Variants in CADPS2 observed in about 807,000 individuals in gnomAD.
CADPS2 encodes the protein calcium-dependent secretion activator 2.
A neutral mutation model predicts 172.5 loss-of-function variants in CADPS2; 93 were observed. The observed-to-expected ratio is 0.54, with a 90% confidence interval of 0.46 to 0.64. The LOEUF (loss-of-function observed/expected upper bound fraction) is 0.64, where lower values mean the gene tolerates loss of function less well. Ranked by LOEUF, CADPS2 falls within the 30% of genes least tolerant of loss-of-function variation. CADPS2 has a pLI of 0.00. For synonymous variants in CADPS2, 546 were observed against 555.2 expected (o/e 0.98, Z 0.23); for missense variants, 1,420 against 1,565.9 (o/e 0.91, Z 1.57).
At chr7:122,580,541 A>G (rs2068674357) in intron 7 of CADPS2, among the ~76,000 whole-genome samples, 1 of 152,062 alleles carries the variant, frequency 6.6e-6, no homozygotes, top group African/African-American at 2.4e-5. Context: ...TTCATTTATA[A>G]GTCTGAAGAT....
At chr7:122,795,289 C>A (rs192288298) in intron 1 of CADPS2, among the ~76,000 whole-genome samples, 47 of 152,040 alleles carry the variant, frequency 3.1e-4, no homozygotes, top group African/African-American at 1.1e-3. Flanking sequence ...ACCACTGACC[C>A]CATAGAAATA....
rs776325722 is a variant in CADPS2 at position 122,429,978 on chromosome 7, T to A, written c.2476+8363A>T. Among the ~76,000 whole-genome samples the A allele has an allele frequency of 1.8e-4, 28 of 152,198 alleles. 1 individual carries two copies. Among genetic ancestry groups the A allele is most frequent in the Non-Finnish European group, 3.4e-4 (23 of 68,012 alleles). ...ATTGCTATCGTGTACAATGGAGTGT[T>A]AAATTAAAACACCACCCAGATGACA... On this transcript the variant is annotated intron_variant, in intron 17 of 29. Coordinates refer to ENST00000449022, the MANE Select transcript of CADPS2 (RefSeq NM_017954.11).
intron 9 of CADPS2, among the ~76,000 whole-genome samples, chr7:122,506,727 TAAAA>T (rs5887092): frequency 3.5e-5 from 5 of 142,034 alleles, no homozygotes; most frequent in Admixed American, 2.1e-4. Flanking sequence ...TAGAGTTATT[TAAAA>T]AAAAAAAAAA....
At chr7:122,849,738 T>G (rs1177018447) in intron 1 of CADPS2, 1 of 403,474 alleles carries the variant, frequency 2.5e-6, no homozygotes, top group Non-Finnish European at 4.8e-6. Context: ...TATTTCTCAG[T>G]AGAAGCTCCA....
chr7:122,752,976 A>T (rs1228038590), intron 1 of CADPS2, among the ~76,000 whole-genome samples: 1 of 152,212 alleles, frequency 6.6e-6, no homozygotes, highest in Non-Finnish European at 1.5e-5. Flanking sequence ...GGAGTTCTTA[A>T]TAAGATGCTG....
intron 1 of CADPS2, among the ~76,000 whole-genome samples, chr7:122,815,492 A>C (rs987010590): frequency 6.6e-6 from 1 of 152,196 alleles, no homozygotes; most frequent in Non-Finnish European, 1.5e-5. Flanking sequence ...TTTAGAAGTC[A>C]ATGAAAACAA....
intron 2 of CADPS2, among the ~76,000 whole-genome samples, chr7:122,727,361 A>C (rs976921451): frequency 2.0e-5 from 3 of 151,776 alleles, no homozygotes; most frequent in East Asian, 3.9e-4. Flanking sequence ...TCTTTCTGTT[A>C]TTGGCAGCTA....
At chr7:122,500,604 C>CA (rs1294630220) in intron 9 of CADPS2, among the ~76,000 whole-genome samples, 2 of 152,120 alleles carry the variant, frequency 1.3e-5, no homozygotes, top group African/African-American at 4.8e-5. Flanking sequence ...ATGTCAGAGC[C>CA]ATGGAGAAAC....
Position 122,837,285 on chromosome 7 carries a change from A to T in CADPS2, c.339+48714T>A, listed in dbSNP as rs1254550927. Among the ~76,000 whole-genome samples the T allele has an allele frequency of 2.0e-5, 3 of 152,240 alleles. No homozygotes were observed. The East Asian group carries it at 5.8e-4, about 29-fold the overall frequency. ...CTGGGACACATTTAAAGCAGTGGGT[A>T]GAGGGAAATTTATAGCACTAAATGC... On this transcript the variant is annotated intron_variant, in intron 1 of 29. Coordinates refer to ENST00000449022, the MANE Select transcript of CADPS2 (RefSeq NM_017954.11).
At chr7:122,641,207 C>T (rs973527851) in intron 3 of CADPS2, among the ~76,000 whole-genome samples, 1 of 152,124 alleles carries the variant, frequency 6.6e-6, no homozygotes, top group African/African-American at 2.4e-5. Flanking sequence ...GGCCGTTAAT[C>T]CTTGATCATA....
At chr7:122,444,884 T>G (rs2051930380) in intron 15 of CADPS2, among the ~76,000 whole-genome samples, 1 of 152,184 alleles carries the variant, frequency 6.6e-6, no homozygotes, top group Non-Finnish European at 1.5e-5. Flanking sequence ...AAGACACAGA[T>G]TTTTCACCCA....
chr7:122,491,056 C>T (rs760567220), intron 10 of CADPS2, among the ~76,000 whole-genome samples: 5 of 152,098 alleles, frequency 3.3e-5, no homozygotes, highest in Admixed American at 2.6e-4. Flanking sequence ...TAATATCTCA[C>T]CTAATTATTC....
intron 3 of CADPS2, among the ~76,000 whole-genome samples, chr7:122,643,172 CCA>C (rs2077876376): frequency 6.6e-6 from 1 of 152,076 alleles, no homozygotes; most frequent in African/African-American, 2.4e-5. Flanking sequence ...ATCTAGCAGC[CCA>C]GTGTTTCATT....
intron 1 of CADPS2, among the ~76,000 whole-genome samples, chr7:122,789,296 T>C (rs37898): frequency 0.055 from 8,404 of 152,234 alleles, 774 homozygotes; most frequent in African/African-American, 0.19. Flanking sequence ...GGAAGCTTAC[T>C]GCCTTCCTAT....
At chr7:122,533,235 T>G (rs1414395596) in intron 8 of CADPS2, among the ~76,000 whole-genome samples, 1 of 152,118 alleles carries the variant, frequency 6.6e-6, no homozygotes, top group Non-Finnish European at 1.5e-5. Context: ...TTTATTAATA[T>G]GTAGAAATTA....
intron 1 of CADPS2, among the ~76,000 whole-genome samples, chr7:122,826,871 G>A (rs941858200): frequency 1.3e-5 from 2 of 151,838 alleles, no homozygotes; most frequent in African/African-American, 2.4e-5. Context: ...AATCTCTCAC[G>A]TTAAGAACCC....
chr7:122,868,824 C>T (rs1287446346), intron 1 of CADPS2, among the ~76,000 whole-genome samples: 2 of 152,118 alleles, frequency 1.3e-5, no homozygotes, highest in Non-Finnish European at 2.9e-5. Context: ...AATACAAGAA[C>T]AAACTGATAA....
intron 1 of CADPS2, among the ~76,000 whole-genome samples, chr7:122,746,763 C>T (rs368809035): frequency 1.4e-4 from 22 of 152,110 alleles, no homozygotes; most frequent in Admixed American, 1.3e-4. Flanking sequence ...TCACTACATT[C>T]CCCTTACCCA....
intron 1 of CADPS2, among the ~76,000 whole-genome samples, chr7:122,883,558 G>A (rs1426405922): frequency 6.6e-6 from 1 of 152,182 alleles, no homozygotes; most frequent in African/African-American, 2.4e-5. Flanking sequence ...AAGACTTCAA[G>A]TAAGTTTTGG....
Sources: allele counts gnomAD v4.1 joint callset (sites outside exome capture counted in the v4.1 genomes callset), GRCh38; gene constraint gnomAD v4.1.1; transcripts MANE v1.5; gene names NCBI Gene and HGNC (gene_info 2026-07-23, HGNC 2026-07-21).